FBLN1: variants seen among roughly 807,000 people sequenced by gnomAD.
The protein encoded by FBLN1 is fibulin 1, also known as fibulin-1.
FBLN1 carries 34 observed loss-of-function variants against 89.7 expected under a neutral mutation model. The ratio of observed to expected loss-of-function variants is 0.38; its 90% confidence interval spans 0.29 to 0.50. The LOEUF is 0.50. Among genes scored for constraint, FBLN1 ranks in the 20% least tolerant of loss-of-function variants. FBLN1 has a pLI of 0.92. For synonymous variants in FBLN1, 393 were observed against 391.3 expected (o/e 1.00, Z -0.05); for missense variants, 777 against 988.1 (o/e 0.79, Z 2.86).
intron 14 of FBLN1, among the ~76,000 whole-genome samples, chr22:45,569,018 A>T (rs1602216331): frequency 6.6e-6 from 1 of 152,186 alleles, no homozygotes; most frequent in Non-Finnish European, 1.5e-5. Flanking sequence ...GATAACGGTC[A>T]TCTTGGATCA....
At position 45,531,558 on chromosome 22, in the gene FBLN1, G is replaced by A. The variant is rs1005325188; in HGVS notation, c.544+234G>A. Among the ~76,000 whole-genome samples the A allele has an allele frequency of 6.6e-6, 1 of 152,206 alleles. No individual in the cohort carries two copies. Among genetic ancestry groups the A allele is most frequent in the Non-Finnish European group, 1.5e-5 (1 of 68,038 alleles). ...CAAACAAACAAAAAGCAAAACCAAG[G>A]AATCTCGGTGCTGATCTCACTGGAA... On this transcript the variant is annotated intron_variant, in intron 5 of 16. Transcript: ENST00000327858. This position sits in a 1 kb window ranked among gnomAD's most constrained non-coding sequence, Gnocchi z 4.9.
intron 14 of FBLN1, among the ~76,000 whole-genome samples, chr22:45,570,187 G>T (rs566520713): frequency 1.3e-5 from 2 of 151,646 alleles, no homozygotes; most frequent in South Asian, 4.2e-4. Context: ...AGGCATGGTG[G>T]CAGGTGCCTG....
In FBLN1 at chr22:45,572,250, C is replaced by T. The variant is rs2088958469; in HGVS notation, c.1698-2261C>T. Among the ~76,000 whole-genome samples, 1 of 152,208 alleles carries T rather than the reference C, an allele frequency of 6.6e-6. No individual in the cohort carries two copies. The highest frequency in any genetic ancestry group is 6.5e-5 in the Admixed American group (1 of 15,280). On this transcript the variant is annotated intron_variant, in intron 14 of 16. Transcript: ENST00000327858. This position sits in a 1 kb window ranked among gnomAD's most constrained non-coding sequence, Gnocchi z 5.8. ...AAAGTGTAAAATGAGGCTGGATCAT[C>T]TCGTCACATCAGATAGCAAGAAAGC...
Position 45,556,067 on chromosome 22 carries a change from C to T in FBLN1, c.1697+5452C>T, listed in dbSNP as rs1464967508. Reference sequence around the variant, plus strand: ...CTGAAGTGTGGTGGTGTGATTTTGTCTCACCGCAACCTCCACGTCCCGAGT... The same window carrying T: ...CTGAAGTGTGGTGGTGTGATTTTGTTTCACCGCAACCTCCACGTCCCGAGT... On this transcript the variant is annotated intron_variant, in intron 14 of 16. Transcript: ENST00000327858. This position sits in a 1 kb window ranked among gnomAD's most constrained non-coding sequence, Gnocchi z 4.6. Among the ~76,000 whole-genome samples, 1 of 152,184 alleles carries T rather than the reference C, an allele frequency of 6.6e-6. No individual in the cohort carries two copies. Among genetic ancestry groups the T allele is most frequent in the Non-Finnish European group, 1.5e-5 (1 of 68,032 alleles).
At position 45,574,256 on chromosome 22, in the gene FBLN1, G is replaced by T. The variant is rs1164257096; in HGVS notation, c.1698-255G>T. ...CGTGCAGTTGACAAATGTCCAAGCT[G>T]TGCTTATCCGCCAGGGCACATGGAA... On this transcript the variant is annotated intron_variant, in intron 14 of 16. Transcript: ENST00000327858. The surrounding 1 kb of genome is among the most constrained non-coding windows in gnomAD (Gnocchi z 4.1). 1.3e-5 allele frequency among the ~76,000 whole-genome samples: 2 copies of T among 152,236 alleles called. No individual in the cohort carries two copies. The highest frequency in any genetic ancestry group is 2.9e-5 in the Non-Finnish European group (2 of 68,042).
In FBLN1 at chr22:45,535,281, G is replaced by A. The variant is rs1465762131; in HGVS notation, c.866G>A (p.Arg289Gln). 13 of 1,614,016 alleles carry A rather than the reference G, an allele frequency of 8.1e-6. No individual in the cohort carries two copies. The highest frequency in any genetic ancestry group is 2.7e-5 in the African/African-American group (2 of 74,916). The change falls in exon 8 of 17, where the codon CGA becomes CAA. Residue 289 changes from arginine (R) to glutamine (Q), a missense_variant. Physicochemically the swap from Arg to Gln is conservative, Grantham distance 43 (BLOSUM62 1). Coordinates refer to ENST00000327858, the MANE Select transcript of FBLN1 (RefSeq NM_006486.3). ...AATACTCTGGGATCCTTCCGCTGCC[G>A]ACCCAAGCTACAGTGCAAGAGTGGC... ...CQNTLGSFRC[R>Q]PKLQCKSGFI...
At chr22:45,547,925 T>C (rs2088653028) in intron 12 of FBLN1, among the ~76,000 whole-genome samples, 1 of 152,126 alleles carries the variant, frequency 6.6e-6, no homozygotes, top group African/African-American at 2.4e-5. Context: ...ACTCTTCATC[T>C]GTAACATGAT....
At chr22:45,525,756 C>A in intron 3 of FBLN1, 78 bp downstream of exon 3, 1 of 1,536,816 alleles carries the variant, frequency 6.5e-7, no homozygotes, top group African/African-American at 1.4e-5. Context: ...CCAAGCGGCA[C>A]TGTCTGTCAG....
intron 16 of FBLN1, among the ~76,000 whole-genome samples, chr22:45,585,696 A>G (rs971970532): frequency 6.6e-6 from 1 of 152,124 alleles, no homozygotes; most frequent in African/African-American, 2.4e-5. Flanking sequence ...GCCTGACTCC[A>G]TCTTGAGCTG....
rs1221205714 is a variant in FBLN1, at chr22:45,583,186, G to A, written c.1972+6078G>A. ...AGCAAGTTGGAGCTGCACTGCCCAA[G>A]CAGGTCCTTTAGTCAGCTCTCTGTT... is the stretch of plus-strand genomic sequence containing the variant. On this transcript the variant is annotated intron_variant, in intron 16 of 16. Coordinates refer to ENST00000327858, the MANE Select transcript of FBLN1 (RefSeq NM_006486.3). The surrounding 1 kb of genome is among the most constrained non-coding windows in gnomAD (Gnocchi z 4.5). Among the ~76,000 whole-genome samples, 1 of 152,208 alleles carries A rather than the reference G, an allele frequency of 6.6e-6. No individual in the cohort carries two copies. The highest frequency in any genetic ancestry group is 1.5e-5 in the Non-Finnish European group (1 of 68,028).
intron 1 of FBLN1, 197 bp downstream of exon 1, chr22:45,503,261 TG>T: frequency 3.1e-6 from 1 of 321,778 alleles, no homozygotes; most frequent in African/African-American, 2.2e-5. Flanking sequence ...CTCCCCGGCC[TG>T]GGGACTTGTT....
chr22:45,570,335 A>AAAAAAAAAG (rs2088941314), intron 14 of FBLN1, among the ~76,000 whole-genome samples: 7 of 92,738 alleles, frequency 7.5e-5, no homozygotes, highest in African/African-American at 1.8e-4. Flanking sequence ...AAAAAAAAAA[A>AAAAAAAAAG]AAAAGAAAAG....
chr22:45,531,220 A>G lies in FBLN1; in HGVS notation c.485-45A>G, dbSNP rs1285304656. The G allele has an allele frequency of 1.3e-6, 2 of 1,549,870 alleles. No individual in the cohort carries two copies. Among genetic ancestry groups the G allele is most frequent in the Non-Finnish European group, 8.9e-7 (1 of 1,121,516 alleles). On this transcript the variant is annotated intron_variant, in intron 4 of 16. Transcript: ENST00000327858. The surrounding 1 kb of genome is among the most constrained non-coding windows in gnomAD (Gnocchi z 4.9). ...TGTTGGGAGTTTCTTTTAAGATAAG[A>G]TGGGTGTTTGGATAAATGTCTGACT...
intron 16 of FBLN1, among the ~76,000 whole-genome samples, chr22:45,591,348 A>T (rs1462153744): frequency 7.3e-6 from 1 of 136,266 alleles, no homozygotes; most frequent in East Asian, 2.0e-4. Flanking sequence ...CCCACGCCAC[A>T]GGTGAAGGCT....
At chr22:45,553,649 C>T (rs1288484298) in intron 14 of FBLN1, among the ~76,000 whole-genome samples, 1 of 152,228 alleles carries the variant, frequency 6.6e-6, no homozygotes. Flanking sequence ...ATAGCGGGTG[C>T]CCCAGGCCCT....
intron 8 of FBLN1, among the ~76,000 whole-genome samples, chr22:45,540,913 G>A (rs1172242740): frequency 6.6e-6 from 1 of 152,202 alleles, no homozygotes; most frequent in Admixed American, 6.5e-5. Flanking sequence ...CCTTAATACC[G>A]TGCCCAGTGT....
At chr22:45,518,276 C>T (rs779753370) in intron 1 of FBLN1, among the ~76,000 whole-genome samples, 23 of 152,090 alleles carry the variant, frequency 1.5e-4, no homozygotes, top group Non-Finnish European at 3.1e-4. Flanking sequence ...CTGGGCTGGC[C>T]GGCAGCATGG....
At position 45,530,882 on chromosome 22, in the gene FBLN1, A is replaced by G. The variant is rs1435321839; in HGVS notation, c.485-383A>G. 6.6e-6 allele frequency among the ~76,000 whole-genome samples: 1 copy of G among 152,002 alleles called. No individual in the cohort carries two copies. Among genetic ancestry groups the G allele is most frequent in the Non-Finnish European group, 1.5e-5 (1 of 68,002 alleles). On this transcript the variant is annotated intron_variant, in intron 4 of 16. Transcript: ENST00000327858. The surrounding 1 kb of genome is among the most constrained non-coding windows in gnomAD (Gnocchi z 5.4). ...GAGTTCAAGCGATTATCCTGCCTCAACTTCCTGAGTACCTGAGATTACAGG... is the reference window on the plus strand; with the variant it reads ...GAGTTCAAGCGATTATCCTGCCTCAGCTTCCTGAGTACCTGAGATTACAGG...
chr22:45,591,772 C>T (rs2041574034), intron 16 of FBLN1, among the ~76,000 whole-genome samples: 1 of 151,364 alleles, frequency 6.6e-6, no homozygotes, highest in African/African-American at 2.4e-5. Context: ...GCAGTACAGT[C>T]GGGAAGTGTC....
Sources: allele counts gnomAD v4.1 joint callset (sites outside exome capture counted in the v4.1 genomes callset), GRCh38; gene constraint gnomAD v4.1.1; non-coding constraint Gnocchi (gnomAD v3.1); transcripts MANE v1.5; gene names NCBI Gene and HGNC (gene_info 2026-07-23, HGNC 2026-07-21).